Variants in HDAC9 observed in about 807,000 individuals in gnomAD.
The protein encoded by HDAC9 is histone deacetylase 9.
Under a neutral mutation model 139.4 loss-of-function variants are expected in HDAC9, and 41 were observed. The observed-to-expected ratio is 0.29, with a 90% CI of 0.23 to 0.38. The LOEUF is 0.38. HDAC9 is among the 10% of genes least tolerant of loss of function. The pLI is 1.00. For missense variants in HDAC9, 1,147 were observed against 1,297.0 expected, an observed-to-expected ratio of 0.88 and a Z score of 1.78; for synonymous variants, 517 against 476.2, an observed-to-expected ratio of 1.09 and a Z score of -1.12.
At chr7:18,948,228 A>T (rs1453218254) in intron 23 of HDAC9, among the ~76,000 whole-genome samples, 1 of 151,070 alleles carries the variant, frequency 6.6e-6, no homozygotes, top group Non-Finnish European at 1.5e-5. Flanking sequence ...GCGATATTGT[A>T]AAAAAAAGAA....
chr7:18,599,294 T>C (rs1250784598), intron 6 of HDAC9, among the ~76,000 whole-genome samples: 1 of 152,234 alleles, frequency 6.6e-6, no homozygotes, highest in African/African-American at 2.4e-5. Context: ...AAGGAACAAC[T>C]ATTGATACAT....
chr7:18,835,782 A>G, intron 20 of HDAC9, 118 bp from the exon 21 acceptor site: 3 of 978,446 alleles, frequency 3.1e-6, no homozygotes, highest in South Asian at 3.1e-5. Context: ...GGTTGGGCTG[A>G]TTTGATGTGT....
intron 1 of HDAC9, chr7:18,459,031 C>T: frequency 1.5e-6 from 1 of 671,372 alleles, no homozygotes; most frequent in Non-Finnish European, 2.6e-6. Context: ...ATGCTTGACC[C>T]AGTTTTGCCA....
chr7:18,113,458 A>G (rs2041444229), intron 1 of HDAC9, among the ~76,000 whole-genome samples: 1 of 152,210 alleles, frequency 6.6e-6, no homozygotes, highest in African/African-American at 2.4e-5. Flanking sequence ...ATTTCCATGG[A>G]CACGGATTAA....
chr7:18,692,976 A>C (rs529823314), intron 12 of HDAC9, among the ~76,000 whole-genome samples: 2 of 152,224 alleles, frequency 1.3e-5, no homozygotes, highest in East Asian at 3.9e-4. Context: ...TACTGTTTTA[A>C]AGACTAAGCT....
At chr7:18,324,209 G>A (rs1800259265) in intron 1 of HDAC9, among the ~76,000 whole-genome samples, 2 of 152,102 alleles carry the variant, frequency 1.3e-5, no homozygotes, top group South Asian at 4.1e-4. Flanking sequence ...GAAGGATGAG[G>A]AAGGCTTTCC....
chr7:18,254,655 A>G (rs1795120008), intron 2 of HDAC9, among the ~76,000 whole-genome samples: 1 of 152,220 alleles, frequency 6.6e-6, no homozygotes, highest in Non-Finnish European at 1.5e-5. Context: ...CAAAAATAGC[A>G]GGTTATTTTG....
chr7:18,719,331 CTTTTTTTTTTT>C (rs757689693), intron 12 of HDAC9, among the ~76,000 whole-genome samples: 15 of 73,894 alleles, frequency 2.0e-4, no homozygotes, highest in Non-Finnish European at 3.2e-4. Context: ...TTTTCTCTTC[CTTTTTTTTTTT>C]TTTTTTTTTT....
intron 12 of HDAC9, among the ~76,000 whole-genome samples, chr7:18,674,256 T>G (rs774662063): frequency 1.3e-4 from 20 of 152,058 alleles, no homozygotes; most frequent in Non-Finnish European, 2.5e-4. Flanking sequence ...TACATCAGTG[T>G]GATATTTATA....
At chr7:18,907,444 C>T (rs1452162776) in intron 22 of HDAC9, among the ~76,000 whole-genome samples, 1 of 152,188 alleles carries the variant, frequency 6.6e-6, no homozygotes, top group Non-Finnish European at 1.5e-5. Flanking sequence ...TTATAAGATG[C>T]TATGATGCAT....
intron 2 of HDAC9, among the ~76,000 whole-genome samples, chr7:18,560,548 C>A (rs1256856959): frequency 6.6e-6 from 1 of 152,058 alleles, no homozygotes; most frequent in Non-Finnish European, 1.5e-5. Context: ...CTGTTGTGCC[C>A]CGTGCTCATC....
intron 22 of HDAC9, among the ~76,000 whole-genome samples, chr7:18,879,614 G>T (rs1185572314): frequency 6.6e-6 from 1 of 152,152 alleles, no homozygotes; most frequent in African/African-American, 2.4e-5. Context: ...GCCACATGCA[G>T]AAGACTGAAG....
At chr7:18,190,224 C>G (rs755823944) in intron 2 of HDAC9, among the ~76,000 whole-genome samples, 1 of 152,122 alleles carries the variant, frequency 6.6e-6, no homozygotes, top group African/African-American at 2.4e-5. Context: ...GGATTACAGG[C>G]GTGAGCCACC....
chr7:18,196,906 C>T (rs1790767344), intron 2 of HDAC9, among the ~76,000 whole-genome samples: 1 of 152,068 alleles, frequency 6.6e-6, no homozygotes, highest in Non-Finnish European at 1.5e-5. Context: ...ACAGGTTGCC[C>T]AGATACTTGG....
chr7:18,511,132 C>T (rs980769883), intron 2 of HDAC9, among the ~76,000 whole-genome samples: 1 of 152,064 alleles, frequency 6.6e-6, no homozygotes, highest in African/African-American at 2.4e-5. Flanking sequence ...TATCATTGTT[C>T]ATTTGTTTGC....
At chr7:18,858,818 T>G (rs1257150434) in intron 21 of HDAC9, among the ~76,000 whole-genome samples, 1 of 152,192 alleles carries the variant, frequency 6.6e-6, no homozygotes, top group African/African-American at 2.4e-5. Flanking sequence ...TTGACAGCAG[T>G]GTCTCATTTT....
At chr7:18,979,108 C>T (rs1278828317) in intron 25 of HDAC9, among the ~76,000 whole-genome samples, 3 of 152,006 alleles carry the variant, frequency 2.0e-5, no homozygotes, top group Admixed American at 6.6e-5. Context: ...TTCTCATGAA[C>T]GTGATGGTTT....
intron 11 of HDAC9, among the ~76,000 whole-genome samples, chr7:18,652,724 T>G (rs184978352): frequency 6.6e-6 from 1 of 152,286 alleles, no homozygotes; most frequent in African/African-American, 2.4e-5. Context: ...TTAATATCTG[T>G]TTTTCATATT....
intron 2 of HDAC9, among the ~76,000 whole-genome samples, chr7:18,203,335 C>T (rs189944902): frequency 1.3e-4 from 20 of 152,150 alleles, no homozygotes; most frequent in Non-Finnish European, 1.5e-5. Flanking sequence ...TCATTACTGG[C>T]ACCGATTTTG....
Sources: gnomAD v4.1 joint callset for allele counts (sites outside exome capture counted in the v4.1 genomes callset) on GRCh38, gnomAD v4.1.1 for gene constraint, MANE v1.5 for transcripts, NCBI Gene and HGNC (gene_info 2026-07-23, HGNC 2026-07-21) for gene names.